Variants in TMEM74 observed in about 807,000 individuals in gnomAD.
TMEM74 encodes the protein transmembrane protein 74.
TMEM74 carries 13 observed loss-of-function variants against 18.1 expected under a neutral mutation model. That is an observed-to-expected ratio of 0.72 (90% confidence interval 0.47 to 1.14). TMEM74 has a LOEUF of 1.14. Among genes scored for constraint, TMEM74 ranks in the 50% most tolerant of loss-of-function variants. The pLI is 0.00. For synonymous variants in TMEM74, 159 were observed against 146.6 expected, an observed-to-expected ratio of 1.08 and a Z score of -0.61; for missense variants, 372 against 375.9, an observed-to-expected ratio of 0.99 and a Z score of 0.09.
intron 1 of TMEM74, among the ~76,000 whole-genome samples, chr8:108,731,143 A>G (rs1003423555): frequency 1.3e-5 from 2 of 152,040 alleles, no homozygotes; most frequent in Non-Finnish European, 2.9e-5. Context: ...TAGAATTTAT[A>G]TGTTAACCCT....
At chr8:108,619,454 A>G (rs1812417826) in intron 2 of TMEM74, among the ~76,000 whole-genome samples, 2 of 152,140 alleles carry the variant, frequency 1.3e-5, no homozygotes, top group African/African-American at 4.8e-5. Flanking sequence ...ACTTTCCACA[A>G]TTTCCAGTCA....
chr8:108,675,783 A>G (rs551479602), intron 1 of TMEM74, among the ~76,000 whole-genome samples: 31 of 152,384 alleles, frequency 2.0e-4, no homozygotes, highest in African/African-American at 5.0e-4. Context: ...ACACTTAGAC[A>G]AACAGGGCAT....
At chr8:108,705,469 G>A (rs1813387896) in intron 1 of TMEM74, among the ~76,000 whole-genome samples, 1 of 152,158 alleles carries the variant, frequency 6.6e-6, no homozygotes, top group African/African-American at 2.4e-5. Flanking sequence ...GCTACCTCTA[G>A]CCCATATGGT....
chr8:108,642,617 C>T (rs1363551736), intron 2 of TMEM74, among the ~76,000 whole-genome samples: 2 of 152,084 alleles, frequency 1.3e-5, no homozygotes, highest in Non-Finnish European at 2.9e-5. Flanking sequence ...TAATTAACTA[C>T]TGAGATGAAT....
At chr8:108,756,699 G>A (rs3019899) in intron 1 of TMEM74, among the ~76,000 whole-genome samples, 1,026 of 44,118 alleles carry the variant, frequency 0.023, 14 homozygotes, top group African/African-American at 0.067. Flanking sequence ...AAAGAAAGAA[G>A]GAAGGAAAGA....
chr8:108,611,714 G>A (rs1812335732), intron 2 of TMEM74, among the ~76,000 whole-genome samples: 1 of 152,152 alleles, frequency 6.6e-6, no homozygotes, highest in Non-Finnish European at 1.5e-5. Flanking sequence ...CAGGTAAATA[G>A]TGTGACTAAA....
intron 1 of TMEM74, among the ~76,000 whole-genome samples, chr8:108,682,800 A>G (rs892069267): frequency 6.6e-6 from 1 of 152,018 alleles, no homozygotes; most frequent in East Asian, 1.9e-4. Flanking sequence ...CTTTCAGTTA[A>G]GCACACACTA....
At chr8:108,750,553 C>T (rs1813895001) in intron 1 of TMEM74, among the ~76,000 whole-genome samples, 1 of 152,044 alleles carries the variant, frequency 6.6e-6, no homozygotes, top group African/African-American at 2.4e-5. Context: ...CAGGGAGGGG[C>T]CATTTCCTGA....
chr8:108,632,599 A>G (rs1289900896), intron 2 of TMEM74, among the ~76,000 whole-genome samples: 1 of 152,068 alleles, frequency 6.6e-6, no homozygotes, highest in Non-Finnish European at 1.5e-5. Flanking sequence ...TGAAAGTCAC[A>G]TGAAGTAGAA....
At chr8:108,642,410 A>G (rs1586244302) in intron 2 of TMEM74, among the ~76,000 whole-genome samples, 1 of 148,344 alleles carries the variant, frequency 6.7e-6, no homozygotes, top group African/African-American at 2.5e-5. Context: ...AAAAAAAAAG[A>G]GAGAAAATAT....
intron 2 of TMEM74, among the ~76,000 whole-genome samples, chr8:108,632,859 C>A (rs1382635909): frequency 2.6e-5 from 4 of 151,972 alleles, no homozygotes; most frequent in African/African-American, 4.8e-5. Flanking sequence ...ACTCTCAGTT[C>A]TAAAATGATT....
intron 1 of TMEM74, among the ~76,000 whole-genome samples, chr8:108,756,590 A>G (rs542754494): frequency 9.7e-6 from 1 of 103,516 alleles, no homozygotes; most frequent in East Asian, 2.9e-4. Context: ...GAAAGAAAGA[A>G]AGAAAGAGAA....
downstream of TMEM74, among the ~76,000 whole-genome samples, chr8:108,776,883 GATCAGTAATC>G (rs1037089468): frequency 1.2e-4 from 18 of 152,062 alleles, no homozygotes; most frequent in African/African-American, 4.3e-4. Context: ...TTATCATGAT[GATCAGTAATC>G]ATCTGACAAT....
At chr8:108,725,609 C>T (rs955265717) in intron 1 of TMEM74, among the ~76,000 whole-genome samples, 3 of 152,056 alleles carry the variant, frequency 2.0e-5, no homozygotes, top group Admixed American at 6.5e-5. Context: ...CTCAGCTATC[C>T]TAAGACAGGT....
At chr8:108,617,527 C>T (rs1340504503) in intron 2 of TMEM74, among the ~76,000 whole-genome samples, 1 of 152,118 alleles carries the variant, frequency 6.6e-6, no homozygotes, top group East Asian at 1.9e-4. Context: ...AAGATTCCTC[C>T]ATTCAAACCT....
At chr8:108,631,447 T>G (rs1195015290) in intron 2 of TMEM74, among the ~76,000 whole-genome samples, 3 of 152,068 alleles carry the variant, frequency 2.0e-5, no homozygotes, top group African/African-American at 7.2e-5. Context: ...AGAATAACTC[T>G]CCCATTTGCT....
At chr8:108,658,324 A>T (rs1812866645) in intron 1 of TMEM74, among the ~76,000 whole-genome samples, 1 of 152,008 alleles carries the variant, frequency 6.6e-6, no homozygotes, top group South Asian at 2.1e-4. Flanking sequence ...ATAATCAGGA[A>T]CATTGGCATA....
At chr8:108,725,009 C>T (rs1909029) in intron 1 of TMEM74, among the ~76,000 whole-genome samples, 48,584 of 152,062 alleles carry the variant, frequency 0.32, 8,505 homozygotes, top group African/African-American at 0.43. Context: ...GGGCATTTCT[C>T]ACTGTGTTCT....
chr8:108,767,783 AT>A (rs1479260782), intron 1 of TMEM74, among the ~76,000 whole-genome samples: 8 of 152,016 alleles, frequency 5.3e-5, no homozygotes, highest in African/African-American at 1.9e-4. Flanking sequence ...TCTAATTAAT[AT>A]TTTTTATTAT....
Sources: allele counts gnomAD v4.1 joint callset (sites outside exome capture counted in the v4.1 genomes callset), GRCh38; gene constraint gnomAD v4.1.1; transcripts MANE v1.5; gene names NCBI Gene and HGNC (gene_info 2026-07-23, HGNC 2026-07-21).